KHDRBS1: variants seen among roughly 807,000 people sequenced by gnomAD.
KHDRBS1 encodes KH domain-containing, RNA-binding, signal transduction-associated protein 1.
KHDRBS1 carries 7 observed loss-of-function variants against 48.4 expected under a neutral mutation model. That is an observed-to-expected ratio of 0.14 (90% confidence interval 0.08 to 0.27). KHDRBS1 has a LOEUF of 0.27. Among genes scored for constraint, KHDRBS1 ranks in the 10% least tolerant of loss-of-function variants. The pLI is 1.00. For synonymous variants in KHDRBS1, 241 were observed against 235.8 expected, an observed-to-expected ratio of 1.02 and a Z score of -0.20; for missense variants, 458 against 601.2, an observed-to-expected ratio of 0.76 and a Z score of 2.49.
At chr1:32,048,609 G>A (rs181488637), downstream of KHDRBS1, among the ~76,000 whole-genome samples, 5 of 152,196 alleles carry the variant, frequency 3.3e-5, no homozygotes, top group African/African-American at 1.2e-4. Context: ...TAAAGGTCAT[G>A]TTAGCATTTT....
chr1:32,039,614 A>C, intron 8 of KHDRBS1, 41 bp downstream of exon 8: 2 of 1,005,860 alleles, frequency 2.0e-6, no homozygotes, highest in Non-Finnish European at 3.2e-6. Flanking sequence ...TGTACAAGTA[A>C]GTGCCTGGGA....
chr1:32,036,724 T>A (rs1639190549), intron 4 of KHDRBS1, among the ~76,000 whole-genome samples, 186 bp from the exon 5 acceptor site: 1 of 152,122 alleles, frequency 6.6e-6, no homozygotes, highest in Non-Finnish European at 1.5e-5. Context: ...ATGAGGGGTC[T>A]ACCATCAAGA....
At chr1:32,024,764 T>C (rs1638930416) in intron 1 of KHDRBS1, among the ~76,000 whole-genome samples, 1 of 152,110 alleles carries the variant, frequency 6.6e-6, no homozygotes, top group Non-Finnish European at 1.5e-5. Flanking sequence ...ATTAATGAGG[T>C]AATAGTTCTA....
chr1:32,022,576 G>T (rs1456930524), intron 1 of KHDRBS1, among the ~76,000 whole-genome samples: 3 of 152,026 alleles, frequency 2.0e-5, no homozygotes, highest in Admixed American at 6.6e-5. Flanking sequence ...CCATTGTCTT[G>T]TTCCTTATGC....
At position 32,043,175 on chromosome 1, in the gene KHDRBS1, A is replaced by T. The variant is rs1486729299; in HGVS notation, c.*551A>T. On this transcript the variant is annotated 3_prime_UTR_variant, in exon 9 of 9. Transcript: ENST00000327300. Reference sequence around the variant, plus strand: ...AAGTGAGCTCAGACGTCTCTAAAAAATGTTTCCTTTATAAAAGCACATGGC... The same window carrying T: ...AAGTGAGCTCAGACGTCTCTAAAAATTGTTTCCTTTATAAAAGCACATGGC... The T allele has an allele frequency of 6.6e-6, 1 of 152,624 alleles. No homozygotes were observed. The highest frequency in any genetic ancestry group is 6.6e-5 in the Admixed American group (1 of 15,266). 9.5% of individuals were successfully genotyped at this position (152,624 alleles called of 1,614,324 possible).
At chr1:32,024,994 A>G (rs1326084535) in intron 1 of KHDRBS1, among the ~76,000 whole-genome samples, 1 of 151,796 alleles carries the variant, frequency 6.6e-6, no homozygotes, top group Non-Finnish European at 1.5e-5. Context: ...CGGGGGGAGC[A>G]TAGTAGGTCA....
downstream of KHDRBS1, among the ~76,000 whole-genome samples, chr1:32,046,600 T>A (rs1380303722): frequency 6.6e-6 from 1 of 152,154 alleles, no homozygotes; most frequent in African/African-American, 2.4e-5. Flanking sequence ...GACTCCCTGG[T>A]TTGTGTAGTT....
At chr1:32,018,568 A>G (rs1354597581) in intron 1 of KHDRBS1, among the ~76,000 whole-genome samples, 1 of 151,218 alleles carries the variant, frequency 6.6e-6, no homozygotes, top group Non-Finnish European at 1.5e-5. Flanking sequence ...ATCCTGGCTA[A>G]CACAGTGAAA....
At chr1:32,058,782 AAC>A (rs1245080029) in intron 10 of KHDRBS1, among the ~76,000 whole-genome samples, 1 of 152,112 alleles carries the variant, frequency 6.6e-6, no homozygotes, top group African/African-American at 2.4e-5. Flanking sequence ...CAGCCTGAGT[AAC>A]AGAGTGAGAC....
At chr1:32,016,611 T>G (rs1337095976) in intron 1 of KHDRBS1, among the ~76,000 whole-genome samples, 2 of 152,172 alleles carry the variant, frequency 1.3e-5, no homozygotes, top group Non-Finnish European at 2.9e-5. Context: ...CAGAGTCTAC[T>G]GCTTGGGACT....
intron 6 of KHDRBS1, 140 bp from the exon 7 acceptor site, chr1:32,038,412 A>G: frequency 2.5e-6 from 2 of 806,902 alleles, no homozygotes; most frequent in Non-Finnish European, 4.0e-6. Context: ...TGACTATTCT[A>G]CAGTAGGCAT....
chr1:32,052,310 G>GA (rs1265497779), intron 10 of KHDRBS1: 1 of 151,666 alleles, frequency 6.6e-6, no homozygotes, highest in African/African-American at 2.4e-5. Context: ...TGTAAATTGT[G>GA]TCTTTAAGTG....
intron 10 of KHDRBS1, among the ~76,000 whole-genome samples, chr1:32,053,999 G>A (rs1311121773): frequency 6.6e-6 from 1 of 152,198 alleles, no homozygotes; most frequent in East Asian, 1.9e-4. Context: ...CAGGAGAATC[G>A]CTTGTACCCA....
At chr1:32,037,794 T>C (rs1639210809) in intron 5 of KHDRBS1, 41 bp from the exon 6 acceptor site, 1 of 1,599,676 alleles carries the variant, frequency 6.3e-7, no homozygotes, top group Non-Finnish European at 8.6e-7. Flanking sequence ...AAGTGGCCTG[T>C]TTATAAAAAG....
chr1:32,021,622 T>C (rs981853018), intron 1 of KHDRBS1, among the ~76,000 whole-genome samples: 1 of 152,066 alleles, frequency 6.6e-6, no homozygotes, highest in African/African-American at 2.4e-5. Flanking sequence ...CTTTTTTGTA[T>C]TTGTTTTTTT....
intron 1 of KHDRBS1, among the ~76,000 whole-genome samples, chr1:32,027,838 T>C (rs1484228018): frequency 1.3e-5 from 2 of 152,184 alleles, no homozygotes; most frequent in Non-Finnish European, 2.9e-5. Context: ...GTTAGGCCAG[T>C]ACGGTGGCTC....
downstream of KHDRBS1, among the ~76,000 whole-genome samples, chr1:32,048,212 C>G (rs968589370): frequency 6.6e-6 from 1 of 152,146 alleles, no homozygotes; most frequent in Non-Finnish European, 1.5e-5. Flanking sequence ...TTTCCCTTCT[C>G]TAAAAATTTT....
Position 32,037,938 on chromosome 1 carries a change from C to T in KHDRBS1, c.1009C>T (p.Pro337Ser). Reference protein sequence around the residue: ...ATVTRGVPPPPTVRGAPAPRA... With the variant: ...ATVTRGVPPPSTVRGAPAPRA... ...TGTGACTCGAGGCGTGCCACCCCCA[C>T]CTACTGTGAGGGGTGCTCCAGCACC... Residue 337 changes from proline (P) to serine (S), a missense_variant, in exon 6 of 9, where the codon CCT becomes TCT. Transcript: ENST00000327300. The T allele has an allele frequency of 1.2e-6, 2 of 1,614,254 alleles. No homozygotes were observed. The highest frequency in any genetic ancestry group is 8.5e-7 in the Non-Finnish European group (1 of 1,180,042).
At chr1:32,060,335 G>A (rs1639529015) in exon 11 of KHDRBS1, 1 of 152,156 alleles carries the variant, frequency 6.6e-6, no homozygotes, top group South Asian at 2.1e-4. Flanking sequence ...AGAGTCTTTA[G>A]GCCCAGAATG....
Sources: gnomAD v4.1 joint callset for allele counts (sites outside exome capture counted in the v4.1 genomes callset) on GRCh38, gnomAD v4.1.1 for gene constraint, MANE v1.5 for transcripts, NCBI Gene and HGNC (gene_info 2026-07-23, HGNC 2026-07-21) for gene names.